Variants in C5orf22 observed in about 807,000 individuals in gnomAD.
The protein encoded by C5orf22 is UPF0489 protein C5orf22.
Under a neutral mutation model 48.7 loss-of-function variants are expected in C5orf22, and 36 were observed. The observed-to-expected ratio is 0.74, with a 90% CI of 0.57 to 0.98. C5orf22 has a LOEUF of 0.98. Among genes scored for constraint, C5orf22 ranks in the 50% least tolerant of loss-of-function variants. C5orf22 has a pLI of 0.00. For synonymous variants in C5orf22, 141 were observed against 180.8 expected (o/e 0.78, Z 1.76); for missense variants, 486 against 521.9 (o/e 0.93, Z 0.67).
At chr5:31,533,875 C>T (rs1466419863) in intron 1 of C5orf22, among the ~76,000 whole-genome samples, 4 of 152,134 alleles carry the variant, frequency 2.6e-5, no homozygotes, top group African/African-American at 9.7e-5. Context: ...GCTTTCCAGG[C>T]TGGGCAACTG....
At chr5:31,547,329 A>G (rs973426505) in intron 7 of C5orf22, among the ~76,000 whole-genome samples, 2 of 152,226 alleles carry the variant, frequency 1.3e-5, no homozygotes, top group Non-Finnish European at 1.5e-5. Flanking sequence ...GAGTGTCTGC[A>G]GCTTTTCCAG....
chr5:31,546,081 C>T (rs1254172780), intron 7 of C5orf22, among the ~76,000 whole-genome samples: 1 of 151,948 alleles, frequency 6.6e-6, no homozygotes, highest in Non-Finnish European at 1.5e-5. Context: ...CCTTCTTTTC[C>T]TCCCTATTTA....
intron 7 of C5orf22, among the ~76,000 whole-genome samples, chr5:31,549,931 G>A (rs960526523): frequency 6.6e-6 from 1 of 152,152 alleles, no homozygotes; most frequent in Non-Finnish European, 1.5e-5. Context: ...ATGTCTGCAG[G>A]CAGGTCTGCT....
At position 31,541,321 on chromosome 5, in the gene C5orf22, T is replaced by C. The variant is rs746536029; in HGVS notation, c.911T>C (p.Leu304Ser). Residue 304 changes from leucine to serine, a missense_variant, in exon 6 of 9, where the codon TTA (leucine) becomes TCA (serine). Transcript: ENST00000325366. ...VDIVDTRIHQ[L>S]EDLEATFADL... ...ATTGTTGATACTCGAATTCATCAAT[T>C]AGAGGATTTAGAAGCCACTTTCGCT... is the stretch of plus-strand genomic sequence containing the variant. 23 of 1,612,196 alleles carry C rather than the reference T, an allele frequency of 1.4e-5. No homozygotes were observed. Among genetic ancestry groups the C allele is most frequent in the Non-Finnish European group, 2.0e-5 (23 of 1,178,368 alleles).
At chr5:31,551,199 AAAAGT>A in intron 7 of C5orf22, 89 bp from the exon 8 acceptor site, 1 of 1,230,644 alleles carries the variant, frequency 8.1e-7, no homozygotes, top group Non-Finnish European at 1.1e-6. Flanking sequence ...ATGTATCAAT[AAAAGT>A]AAAGATTTGT....
Position 31,552,991 on chromosome 5 carries a change from CTG to C in C5orf22, c.*91_*92del. 8.7e-7 allele frequency: 1 copy of C among 1,147,524 alleles called. No homozygotes were observed. Among genetic ancestry groups the C allele is most frequent in the Non-Finnish European group, 1.3e-6 (1 of 799,684 alleles). 71.1% of individuals were successfully genotyped at this position (1,147,524 alleles called of 1,614,324 possible). A position where few individuals can be genotyped will look rare whatever the true frequency, so the allele number is the denominator to read the frequency against. On this transcript the variant is annotated 3_prime_UTR_variant, in exon 9 of 9. Transcript: ENST00000325366. ...TTGTACATGAGTCTTCCAGAGAACA[CTG>C]TTTTATATTAACTTTCAGTTGAAAT... is the stretch of plus-strand genomic sequence containing the variant.
chr5:31,536,430 G>A (rs903614727), intron 3 of C5orf22, among the ~76,000 whole-genome samples: 8 of 152,212 alleles, frequency 5.3e-5, no homozygotes, highest in African/African-American at 1.7e-4. Flanking sequence ...GGCTGAGGCA[G>A]GAGAATGGCG....
chr5:31,552,657 A>C, intron 8 of C5orf22, 116 bp from the exon 9 acceptor site: 1 of 857,060 alleles, frequency 1.2e-6, no homozygotes, highest in Non-Finnish European at 1.8e-6. Flanking sequence ...ATATTAATCC[A>C]AAGTTCAGCA....
intron 7 of C5orf22, among the ~76,000 whole-genome samples, chr5:31,550,768 G>T (rs564677836): frequency 0.015 from 2,350 of 152,158 alleles, 67 homozygotes; most frequent in African/African-American, 0.054. Context: ...CTCCATGTTG[G>T]TCAGGCTGGT....
intron 3 of C5orf22, chr5:31,538,044 C>T (rs776852703): frequency 1.7e-4 from 81 of 472,662 alleles, no homozygotes; most frequent in Admixed American, 2.9e-4. Flanking sequence ...CACCAGGCTG[C>T]AAGGCAGACT....
rs527272348 is a variant in C5orf22, at chr5:31,551,363, A to G, written c.1130A>G (p.Glu377Gly). The change falls in exon 8 of 9, where the codon GAG (glutamate) becomes GGG (glycine). Residue 377 changes from glutamate to glycine, a missense_variant. By Grantham distance (98) the Glu-to-Gly change is moderately conservative. Transcript: ENST00000325366. ...CATATCAGCACAGAACAAGAAATAG[A>G]GTGTCTTATTCAATCTGTGCATTAT... ...PHHISTEQEI[E>G]CLIQSVHYLL... The G allele has an allele frequency of 1.2e-6, 2 of 1,613,588 alleles. No homozygotes were observed. The highest frequency in any genetic ancestry group is 2.2e-5 in the South Asian group (2 of 91,006).
At chr5:31,546,274 C>T (rs951535994) in intron 7 of C5orf22, among the ~76,000 whole-genome samples, 1 of 152,136 alleles carries the variant, frequency 6.6e-6, no homozygotes, top group Admixed American at 6.5e-5. Context: ...CCCATTTGAC[C>T]TGGTACTTGA....
At chr5:31,542,652 C>A (rs1742548240) in intron 6 of C5orf22, among the ~76,000 whole-genome samples, 1 of 152,022 alleles carries the variant, frequency 6.6e-6, no homozygotes, top group Admixed American at 6.6e-5. Context: ...TGAGTGAAAG[C>A]CTTTGGTATT....
intron 6 of C5orf22, among the ~76,000 whole-genome samples, chr5:31,542,246 C>T (rs1365007007): frequency 1.3e-5 from 2 of 150,596 alleles, no homozygotes; most frequent in South Asian, 2.1e-4. Flanking sequence ...GTTAGGAGAT[C>T]GAGACCATCC....
intron 6 of C5orf22, among the ~76,000 whole-genome samples, chr5:31,544,800 G>A (rs563312406): frequency 7.9e-5 from 12 of 151,952 alleles, no homozygotes; most frequent in Non-Finnish European, 1.6e-4. Context: ...GTTGGGTGTG[G>A]TGGTGTTCAC....
At chr5:31,551,256 TG>T (rs766205543) in intron 7 of C5orf22, 36 bp from the exon 8 acceptor site, 1 of 1,598,408 alleles carries the variant, frequency 6.3e-7, no homozygotes, top group Non-Finnish European at 8.5e-7. Flanking sequence ...TAAAAACAAC[TG>T]TCATACAGTG....
chr5:31,548,797 G>T, intron 7 of C5orf22: 1 of 276,008 alleles, frequency 3.6e-6, no homozygotes, highest in South Asian at 3.9e-5. Context: ...AAAAGAAAGA[G>T]ATTTAATGGA....
intron 2 of C5orf22, chr5:31,535,037 T>G (rs1484368048): frequency 2.2e-6 from 1 of 453,390 alleles, no homozygotes; most frequent in East Asian, 7.0e-5. Context: ...ATGATGAAGA[T>G]TCAGGCTTTC....
intron 6 of C5orf22, 105 bp from the exon 7 acceptor site, chr5:31,545,541 T>A: frequency 1.3e-6 from 1 of 777,124 alleles, no homozygotes; most frequent in Admixed American, 2.1e-5. Flanking sequence ...AAGTGCCATA[T>A]GAAGCATGTT....
Sources: gnomAD v4.1 joint callset for allele counts (sites outside exome capture counted in the v4.1 genomes callset) on GRCh38, gnomAD v4.1.1 for gene constraint, MANE v1.5 for transcripts, NCBI Gene and HGNC (gene_info 2026-07-23, HGNC 2026-07-21) for gene names.